THSD7B: variants seen among roughly 807,000 people sequenced by gnomAD.
THSD7B encodes thrombospondin type 1 domain containing 7B.
THSD7B carries 138 observed loss-of-function variants against 213.6 expected under a neutral mutation model. That is an observed-to-expected ratio of 0.65 (90% CI 0.56 to 0.74). THSD7B has a LOEUF of 0.74. Among genes scored for constraint, THSD7B ranks in the 30% least tolerant of loss-of-function variants. The probability of loss-of-function intolerance (pLI) is 0.00; values close to 1 mark genes in which losing one functional copy is unlikely to be tolerated. For synonymous variants in THSD7B, 742 were observed against 687.0 expected (o/e 1.08, Z -1.25); for missense variants, 1,931 against 1,991.5 (o/e 0.97, Z 0.58).
chr2:137,457,705 A>T (rs927002936), intron 15 of THSD7B, among the ~76,000 whole-genome samples: 1 of 152,214 alleles, frequency 6.6e-6, no homozygotes, highest in Non-Finnish European at 1.5e-5. Context: ...CTGTCATTTA[A>T]GCTTTAAATA....
intron 12 of THSD7B, among the ~76,000 whole-genome samples, chr2:137,311,590 C>A (rs1033699751): frequency 1.3e-5 from 2 of 152,102 alleles, no homozygotes. Flanking sequence ...TGCCCGTTTT[C>A]AAAGGGAATA....
chr2:136,974,107 T>C (rs539139696), intron 2 of THSD7B, among the ~76,000 whole-genome samples: 14 of 152,342 alleles, frequency 9.2e-5, no homozygotes, highest in Non-Finnish European at 1.8e-4. Context: ...TCTCCTTGCA[T>C]TGTATATTGT....
At chr2:137,403,659 C>G (rs1686429894) in intron 12 of THSD7B, among the ~76,000 whole-genome samples, 1 of 152,222 alleles carries the variant, frequency 6.6e-6, no homozygotes, top group South Asian at 2.1e-4. Flanking sequence ...CAAAGATATT[C>G]CCTGGTTTCT....
At chr2:137,153,167 T>C (rs960445347) in intron 5 of THSD7B, among the ~76,000 whole-genome samples, 1 of 152,212 alleles carries the variant, frequency 6.6e-6, no homozygotes, top group Non-Finnish European at 1.5e-5. Flanking sequence ...AATTGGTGGC[T>C]ATTGACTTTG....
At chr2:136,890,085 G>A (rs1289403356) in intron 2 of THSD7B, among the ~76,000 whole-genome samples, 1 of 151,998 alleles carries the variant, frequency 6.6e-6, no homozygotes, top group Non-Finnish European at 1.5e-5. Flanking sequence ...ATAGTCCCCA[G>A]TGCCATTACT....
chr2:137,308,500 G>C (rs1465251026), intron 12 of THSD7B, among the ~76,000 whole-genome samples: 1 of 152,040 alleles, frequency 6.6e-6, no homozygotes, highest in Non-Finnish European at 1.5e-5. Context: ...GTTACCCATT[G>C]TAGATATATC....
chr2:137,567,457 A>G (rs959268366), intron 16 of THSD7B, among the ~76,000 whole-genome samples: 2 of 152,034 alleles, frequency 1.3e-5, no homozygotes, highest in African/African-American at 2.4e-5. Flanking sequence ...GCCTTATTGG[A>G]TGTGGTATAG....
intron 3 of THSD7B, among the ~76,000 whole-genome samples, chr2:137,074,937 G>A (rs1279067721): frequency 6.6e-6 from 1 of 152,234 alleles, no homozygotes; most frequent in African/African-American, 2.4e-5. Flanking sequence ...GGCTTGTGGA[G>A]TTTCTGCCGA....
intron 7 of THSD7B, among the ~76,000 whole-genome samples, chr2:137,219,300 T>C: frequency 6.6e-6 from 1 of 152,172 alleles, no homozygotes; most frequent in East Asian, 1.9e-4. Context: ...TCAGTGATGT[T>C]TGCCTGCCTT....
intron 20 of THSD7B, among the ~76,000 whole-genome samples, chr2:137,626,973 C>T (rs1224464483): frequency 6.6e-6 from 1 of 152,106 alleles, no homozygotes; most frequent in Admixed American, 6.5e-5. Flanking sequence ...TTTATAAAGA[C>T]AAGAGGTTTA....
chr2:137,237,042 C>T (rs1681779976), intron 9 of THSD7B, among the ~76,000 whole-genome samples: 2 of 145,598 alleles, frequency 1.4e-5, no homozygotes, highest in South Asian at 4.3e-4. Context: ...ACCTGGGAGG[C>T]AGAGCTTGCA....
intron 10 of THSD7B, among the ~76,000 whole-genome samples, chr2:137,261,222 CATGGGAAGAGGG>C (rs985240103): frequency 7.3e-5 from 11 of 151,600 alleles, no homozygotes; most frequent in African/African-American, 2.7e-4. Flanking sequence ...GGTGTAGGAA[CATGGGAAGAGGG>C]ATGCTTAGGT....
chr2:137,519,015 A>T (rs1680128614), intron 15 of THSD7B, among the ~76,000 whole-genome samples: 1 of 152,214 alleles, frequency 6.6e-6, no homozygotes, highest in African/African-American at 2.4e-5. Context: ...TGGGAGGCCA[A>T]GGCAGGTGGA....
At chr2:136,869,963 T>TCAGGAGG (rs1419089813) in intron 1 of THSD7B, among the ~76,000 whole-genome samples, 1 of 151,238 alleles carries the variant, frequency 6.6e-6, no homozygotes, top group African/African-American at 2.4e-5. Flanking sequence ...TCCAAGCTAC[T>TCAGGAGG]CAGGAGGCTG....
chr2:137,479,280 CTGT>C (rs1688253153), intron 15 of THSD7B, among the ~76,000 whole-genome samples: 1 of 152,092 alleles, frequency 6.6e-6, no homozygotes, highest in Admixed American at 6.6e-5. Flanking sequence ...TGAAGTAGGC[CTGT>C]TGTTAAGCCA....
rs570644633 is a variant in THSD7B, at chr2:137,331,957, G to A, written c.2500+55931G>A. Among the ~76,000 whole-genome samples, 17 of 152,226 alleles carry A rather than the reference G, an allele frequency of 1.1e-4. 1 individual carries two copies. The highest frequency in any genetic ancestry group is 7.8e-4 in the East Asian group (4 of 5,138). On this transcript the variant is annotated intron_variant, in intron 12 of 27. Transcript: ENST00000409968. ...GAATTCCAGCTGGCCCACAAGCGCC[G>A]CACACAGCCCCGGTTCCCACTCGCG... is the stretch of plus-strand genomic sequence containing the variant.
chr2:137,266,180 A>C (rs531058775), intron 10 of THSD7B, among the ~76,000 whole-genome samples: 1 of 152,148 alleles, frequency 6.6e-6, no homozygotes, highest in South Asian at 2.1e-4. Flanking sequence ...AATTCCTTGC[A>C]TCTGGCAATG....
At chr2:137,521,930 T>C (rs1460773190) in intron 15 of THSD7B, among the ~76,000 whole-genome samples, 1 of 152,134 alleles carries the variant, frequency 6.6e-6, no homozygotes, top group Non-Finnish European at 1.5e-5. Context: ...TTCTGCATGA[T>C]TTTTTAGCAC....
chr2:137,170,180 T>A (rs1368899774), intron 6 of THSD7B, among the ~76,000 whole-genome samples: 3 of 152,104 alleles, frequency 2.0e-5, no homozygotes, highest in Non-Finnish European at 2.9e-5. Flanking sequence ...ATAATAACAA[T>A]CATTGACCCA....
Sources: allele counts gnomAD v4.1 joint callset (sites outside exome capture counted in the v4.1 genomes callset), GRCh38; gene constraint gnomAD v4.1.1; transcripts MANE v1.5; gene names NCBI Gene and HGNC (gene_info 2026-07-23, HGNC 2026-07-21).